The following ELP4 variants were observed in gnomAD, a reference collection of about 807,000 sequenced individuals.
The protein encoded by ELP4 is elongator complex protein 4.
Under a neutral mutation model 48.9 loss-of-function variants are expected in ELP4, and 51 were observed. The ratio of observed to expected loss-of-function variants is 1.04; its 90% confidence interval spans 0.83 to 1.32. The LOEUF (loss-of-function observed/expected upper bound fraction) is 1.32, where lower values mean the gene tolerates loss of function less well. Among genes scored for constraint, ELP4 ranks in the 40% most tolerant of loss-of-function variants. The pLI is 0.00. For missense variants in ELP4, 519 were observed against 514.6 expected (o/e 1.01, Z -0.08); for synonymous variants, 210 against 189.2 (o/e 1.11, Z -0.90).
intron 9 of ELP4, among the ~76,000 whole-genome samples, chr11:31,677,625 GGTTAT>G (rs1945956256): frequency 6.6e-6 from 1 of 151,986 alleles, no homozygotes; most frequent in Admixed American, 6.6e-5. Context: ...TAGGTCTTTA[GGTTAT>G]GCCAATGTGA....
chr11:31,660,181 T>C (rs758371836), intron 9 of ELP4, among the ~76,000 whole-genome samples: 7 of 152,168 alleles, frequency 4.6e-5, no homozygotes, highest in Non-Finnish European at 1.0e-4. Context: ...TAGTGTAGAC[T>C]TAAATGCCTC....
At chr11:31,711,624 A>G (rs1946744756) in intron 9 of ELP4, among the ~76,000 whole-genome samples, 1 of 152,128 alleles carries the variant, frequency 6.6e-6, no homozygotes, top group Admixed American at 6.6e-5. Flanking sequence ...TTTTATGTGT[A>G]TAGATTTAGA....
intron 2 of ELP4, among the ~76,000 whole-genome samples, chr11:31,531,621 C>A (rs940216707): frequency 2.0e-5 from 3 of 152,064 alleles, no homozygotes; most frequent in Non-Finnish European, 4.4e-5. Context: ...AGTTTGCTAT[C>A]CCTGGAATTT....
chr11:31,710,668 A>G (rs1398849512), intron 9 of ELP4, among the ~76,000 whole-genome samples: 1 of 152,102 alleles, frequency 6.6e-6, no homozygotes, highest in Non-Finnish European at 1.5e-5. Context: ...CACAATAAGT[A>G]GACATGAAGA....
intron 9 of ELP4, among the ~76,000 whole-genome samples, chr11:31,766,604 A>G (rs1565146532): frequency 6.6e-6 from 1 of 152,098 alleles, no homozygotes; most frequent in Non-Finnish European, 1.5e-5. Flanking sequence ...CAGAGAAATA[A>G]ATTGTAAGAT....
intron 3 of ELP4, among the ~76,000 whole-genome samples, chr11:31,545,342 A>T (rs1956681142): frequency 6.6e-6 from 1 of 152,238 alleles, no homozygotes; most frequent in Admixed American, 6.5e-5. Flanking sequence ...AGAATGCAGA[A>T]GCCTCAGTAG....
At chr11:31,739,929 G>T (rs1195066687) in intron 9 of ELP4, among the ~76,000 whole-genome samples, 1 of 152,102 alleles carries the variant, frequency 6.6e-6, no homozygotes, top group Non-Finnish European at 1.5e-5. Context: ...AAGCATTACT[G>T]CCATCACTCC....
chr11:31,650,112 A>G lies in ELP4; in HGVS notation c.1037-3A>G. On this transcript the variant is annotated splice_region_variant and splice_polypyrimidine_tract_variant and intron_variant, in intron 8 of 9. Coordinates refer to ENST00000640961, the MANE Select transcript of ELP4 (RefSeq NM_019040.5). ...TTTTTTCTTTTAATTTCTTTTCCAC[A>G]AGGATTGATTCATATACGGCAGATT... 2 of 1,266,474 alleles carry G rather than the reference A, an allele frequency of 1.6e-6. No individual in the cohort carries two copies. Among genetic ancestry groups the G allele is most frequent in the Admixed American group, 1.9e-5 (1 of 53,828 alleles). 78.5% of individuals were successfully genotyped at this position (1,266,474 alleles called of 1,614,324 possible).
intron 3 of ELP4, among the ~76,000 whole-genome samples, chr11:31,547,057 A>C (rs1178713425): frequency 1.3e-5 from 2 of 152,202 alleles, no homozygotes; most frequent in African/African-American, 2.4e-5. Flanking sequence ...TTGACACCCT[A>C]ACATCACAAT....
At chr11:31,755,172 T>C (rs540371385) in intron 9 of ELP4, among the ~76,000 whole-genome samples, 1 of 152,210 alleles carries the variant, frequency 6.6e-6, no homozygotes, top group East Asian at 1.9e-4. Context: ...AGCAAGAAAA[T>C]AGTATTGTTT....
chr11:31,526,656 C>G (rs1020006567), intron 2 of ELP4, among the ~76,000 whole-genome samples: 2 of 151,974 alleles, frequency 1.3e-5, no homozygotes, highest in Non-Finnish European at 2.9e-5. Flanking sequence ...ATCCTCAAAA[C>G]TTACCTCTAT....
In ELP4 at chr11:31,788,449, A is replaced by T. The variant is rs1948836559; in HGVS notation, c.*4925A>T. On this transcript the variant is annotated 3_prime_UTR_variant, in exon 10 of 10. Coordinates refer to ENST00000640961, the MANE Select transcript of ELP4 (RefSeq NM_019040.5). ...ATGGGAAATGATGCCTCTTGTGCAA[A>T]GGGGAGGGAGACAGAAAAGGGAGAG... is the stretch of plus-strand genomic sequence containing the variant. 2 of 223,166 alleles carry T rather than the reference A, an allele frequency of 9.0e-6. No homozygotes were observed. The highest frequency in any genetic ancestry group is 1.8e-5 in the Non-Finnish European group (2 of 111,794). 13.8% of individuals were successfully genotyped at this position (223,166 alleles called of 1,614,324 possible).
intron 7 of ELP4, among the ~76,000 whole-genome samples, chr11:31,642,675 C>G (rs1282696393): frequency 2.6e-5 from 4 of 151,586 alleles, no homozygotes; most frequent in Non-Finnish European, 5.9e-5. Context: ...ACTTGAAGTT[C>G]CGTGTTAAAT....
intron 9 of ELP4, among the ~76,000 whole-genome samples, chr11:31,668,266 G>A (rs1945721972): frequency 6.6e-6 from 1 of 151,986 alleles, no homozygotes; most frequent in Non-Finnish European, 1.5e-5. Flanking sequence ...GCTTAAGCAT[G>A]GTATATGATG....
chr11:31,545,696 G>C (rs1956694026), intron 3 of ELP4, among the ~76,000 whole-genome samples: 1 of 152,124 alleles, frequency 6.6e-6, no homozygotes, highest in African/African-American at 2.4e-5. Context: ...ATTCATCAAA[G>C]TTGAAATGAA....
chr11:31,611,710 A>G (rs1162160431), intron 5 of ELP4, among the ~76,000 whole-genome samples: 2 of 152,252 alleles, frequency 1.3e-5, no homozygotes, highest in African/African-American at 2.4e-5. Context: ...GCTAAGTTCT[A>G]GATTATTGTA....
At chr11:31,592,389 A>G (rs1198587287) in intron 3 of ELP4, among the ~76,000 whole-genome samples, 4 of 151,930 alleles carry the variant, frequency 2.6e-5, no homozygotes, top group Non-Finnish European at 1.5e-5. Context: ...AAAAAATGCA[A>G]AAATTAGCCA....
chr11:31,790,095 T>TTTTTTAA lies in ELP4; in HGVS notation c.*6571_*6572insTTTTTAA. Reference sequence around the variant, plus strand: ...GACATGGAATACAAATTTATAGGTTTACAAAAAAAAAAAAAAAAAAAAAAA... The same window carrying TTTTTTAA: ...GACATGGAATACAAATTTATAGGTTTTTTTTAAACAAAAAAAAAAAAAAAAAAAAAAA... On this transcript the variant is annotated 3_prime_UTR_variant, in exon 10 of 10. Coordinates refer to ENST00000640961, the MANE Select transcript of ELP4 (RefSeq NM_019040.5). The TTTTTTAA allele has an allele frequency of 1.6e-5, 1 of 61,324 alleles. No individual in the cohort carries two copies. The highest frequency in any genetic ancestry group is 2.6e-5 in the Non-Finnish European group (1 of 39,162). The allele number at this position is 61,324 out of a possible 1,614,324, so 3.8% of individuals were successfully genotyped here. A position where few individuals can be genotyped will look rare whatever the true frequency, so the allele number is the denominator to read the frequency against.
At chr11:31,570,301 A>T (rs1423135322) in intron 3 of ELP4, among the ~76,000 whole-genome samples, 1 of 152,112 alleles carries the variant, frequency 6.6e-6, no homozygotes, top group Non-Finnish European at 1.5e-5. Context: ...GGAGCAAAAC[A>T]TCAGGTACAC....
Sources: allele counts gnomAD v4.1 joint callset (sites outside exome capture counted in the v4.1 genomes callset), GRCh38; gene constraint gnomAD v4.1.1; transcripts MANE v1.5; gene names NCBI Gene and HGNC (gene_info 2026-07-23, HGNC 2026-07-21).